The following RTEL1 variants were observed in gnomAD, a reference collection of about 807,000 sequenced individuals.
RTEL1 encodes regulator of telomere length.
In RTEL1, 86 loss-of-function variants were observed where a neutral mutation model predicts 162.2. That is an observed-to-expected ratio of 0.53 (90% CI 0.45 to 0.63). The LOEUF (loss-of-function observed/expected upper bound fraction) is 0.63, where lower values mean the gene tolerates loss of function less well. Ranked by LOEUF, RTEL1 falls within the 30% of genes least tolerant of loss-of-function variation. The probability of loss-of-function intolerance (pLI) is 0.00; values close to 1 mark genes in which losing one functional copy is unlikely to be tolerated. For missense variants in RTEL1, 1,941 were observed against 1,750.2 expected (o/e 1.11, Z -1.95); for synonymous variants, 958 against 717.9 (o/e 1.33, Z -5.35).
intron 4 of RTEL1, 190 bp from the exon 5 acceptor site, chr20:63,662,356 A>T (rs2090036720): frequency 5.2e-6 from 6 of 1,159,560 alleles, no homozygotes; most frequent in Non-Finnish European, 7.5e-6. Context: ...GAAGCTGTCG[A>T]ATCTCCTCCC....
chr20:63,690,468 G>T, intron 26 of RTEL1, 27 bp downstream of exon 26: 1 of 1,530,246 alleles, frequency 6.5e-7, no homozygotes. Flanking sequence ...CTGGGTGGGC[G>T]GTGTGGGGGT....
chr20:63,681,862 C>T (rs769697584), intron 14 of RTEL1: 13 of 985,278 alleles, frequency 1.3e-5, no homozygotes, highest in East Asian at 2.3e-4. Context: ...CCCAAAGGCA[C>T]GGTGGGCATC....
At position 63,685,379 on chromosome 20, in the gene RTEL1, C is replaced by T. The variant is rs973760006; in HGVS notation, c.1192-144C>T. The T allele has an allele frequency of 2.3e-5, 18 of 797,420 alleles. No individual in the cohort carries two copies. The Admixed American group carries it at 4.2e-4, about 19-fold the overall frequency. 49.4% of individuals were successfully genotyped at this position (797,420 alleles called of 1,614,324 possible). The stretch of plus-strand genomic sequence containing the variant: ...GGTCAGGCAGGTGCCAGCTCCTGTC[C>T]ATTGGCCTGGGGCTGCATGATGGCA... On this transcript the variant is annotated intron_variant, in intron 14 of 34. Coordinates refer to ENST00000360203, the MANE Select transcript of RTEL1 (RefSeq NM_001283009.2).
At chr20:63,685,951 C>T (rs956434320) in intron 16 of RTEL1, 79 bp downstream of exon 16, 1 of 1,384,630 alleles carries the variant, frequency 7.2e-7, no homozygotes, top group Non-Finnish European at 1.0e-6. Flanking sequence ...TAGGCACATG[C>T]CCAGCCGTGG....
chr20:63,693,382 T>G, intron 30 of RTEL1, 99 bp downstream of exon 30: 1 of 1,433,588 alleles, frequency 7.0e-7, no homozygotes, highest in Non-Finnish European at 9.6e-7. Context: ...GGGCCCTGCT[T>G]GGCCCCGCCT....
rs1359793806 is a variant in RTEL1 at position 63,696,139 on chromosome 20, G to A, written c.*281G>A. ...TCCTGGCCTGTGAGTGGTGCCACAG[G>A]GGCACCCCAGCTGAGCCCCTCACCG... On this transcript the variant is annotated 3_prime_UTR_variant, in exon 35 of 35. Transcript: ENST00000360203. The A allele has an allele frequency of 2.3e-5, 12 of 512,986 alleles. No homozygotes were observed. In the East Asian group the frequency reaches 2.9e-4, roughly 12 times the overall value. The allele number at this position is 512,986 out of a possible 1,614,324, so 31.8% of individuals were successfully genotyped here.
At position 63,695,127 on chromosome 20, in the gene RTEL1, G is replaced by A. The variant is rs1390155418; in HGVS notation, c.3405G>A (p.Leu1135=). 1.2e-5 allele frequency: 19 copies of A among 1,612,362 alleles called. No individual in the cohort carries two copies. Among genetic ancestry groups the A allele is most frequent in the Non-Finnish European group, 1.5e-5 (18 of 1,179,850 alleles). ...KQRFSQTCTD[L]TGRPYPGMEP... The stretch of plus-strand genomic sequence containing the variant: ...GCTTCTCACAGACGTGCACAGACCT[G>A]ACCGGCCGGCCCTACCCGGGCATGG... The change falls in exon 33 of 35, where the codon CTG becomes CTA. Residue 1135 remains leucine (L), a synonymous_variant. Transcript: ENST00000360203.
chr20:63,678,294 A>T lies in RTEL1; in HGVS notation c.985A>T (p.Ile329Phe). ...KMILLRLEGA[I>F]DAVELPGDDS... ...GATCCTGCTGCGCCTGGAGGGGGCC[A>T]TCGATGCTGTTGAGCTGCCTGGAGA... is the stretch of plus-strand genomic sequence containing the variant. The change falls in exon 12 of 35, where the codon ATC becomes TTC. Residue 329 changes from isoleucine (I) to phenylalanine (F), a missense_variant. Coordinates refer to ENST00000360203, the MANE Select transcript of RTEL1 (RefSeq NM_001283009.2). The T allele has an allele frequency of 6.2e-7, 1 of 1,612,972 alleles. No individual in the cohort carries two copies. Among genetic ancestry groups the T allele is most frequent in the Non-Finnish European group, 8.5e-7 (1 of 1,179,520 alleles).
chr20:63,688,926 C>T (rs1253575841), intron 21 of RTEL1, 129 bp from the exon 22 acceptor site: 4 of 843,314 alleles, frequency 4.7e-6, no homozygotes, highest in Non-Finnish European at 7.7e-6. Context: ...GAAGAAGCTT[C>T]CAGAACCCGA....
At chr20:63,662,977 C>G in intron 6 of RTEL1, 88 bp downstream of exon 6, 2 of 1,356,908 alleles carry the variant, frequency 1.5e-6, no homozygotes, top group Admixed American at 3.4e-5. Flanking sequence ...CCTGGTTGTG[C>G]TTGCCCGGTG....
rs183375482 is a variant in RTEL1, at chr20:63,667,040, C to T, written c.615-429C>T. ...ATTTTTAGTAGAGACGGGGTTTCAC[C>T]GTGTTAGCCAGGATGGTCTCGATCT... On this transcript the variant is annotated intron_variant, in intron 7 of 34. Transcript: ENST00000360203. Among the ~76,000 whole-genome samples the T allele has an allele frequency of 9.2e-3, 1,388 of 150,652 alleles. 8 individuals are homozygous for T. The highest frequency in any genetic ancestry group is 0.015 in the Non-Finnish European group (987 of 67,678).
chr20:63,691,190 C>A (rs2090732686), intron 27 of RTEL1, among the ~76,000 whole-genome samples: 1 of 152,196 alleles, frequency 6.6e-6, no homozygotes, highest in Non-Finnish European at 1.5e-5. Context: ...GTGCCCCCCA[C>A]ATCACTTTGG....
At chr20:63,678,620 A>G (rs1371142699) in intron 12 of RTEL1, among the ~76,000 whole-genome samples, 1 of 112,992 alleles carries the variant, frequency 8.9e-6, no homozygotes, top group Admixed American at 1.0e-4. Context: ...CAGCACACAC[A>G]CTCCCACGAA....
intron 10 of RTEL1, among the ~76,000 whole-genome samples, chr20:63,676,998 T>A (rs181330518): frequency 6.0e-4 from 91 of 152,366 alleles, no homozygotes; most frequent in Non-Finnish European, 1.1e-3. Context: ...GGATTGGTCC[T>A]GCCCCATGCT....
intron 19 of RTEL1, 29 bp from the exon 20 acceptor site, chr20:63,688,271 CT>C: frequency 6.2e-7 from 1 of 1,610,372 alleles, no homozygotes; most frequent in South Asian, 1.1e-5. Flanking sequence ...CATCCTGCCC[CT>C]GCCTTGACCC....
At chr20:63,693,456 T>C (rs77223947) in intron 30 of RTEL1, among the ~76,000 whole-genome samples, 173 bp downstream of exon 30, 4 of 21,070 alleles carry the variant, frequency 1.9e-4, no homozygotes, top group African/African-American at 2.7e-4. Flanking sequence ...CAGCACCACC[T>C]CCACCTCCAC....
chr20:63,662,792 C>G, intron 5 of RTEL1, 37 bp from the exon 6 acceptor site: 2 of 1,612,302 alleles, frequency 1.2e-6, no homozygotes, highest in Middle Eastern at 3.3e-4. Flanking sequence ...CTTTCTTGGC[C>G]GTGCTTCAGC....
intron 13 of RTEL1, 82 bp from the exon 14 acceptor site, chr20:63,680,582 G>T (rs747829649): frequency 1.4e-6 from 2 of 1,461,780 alleles, no homozygotes; most frequent in Non-Finnish European, 1.9e-6. Flanking sequence ...CGGGCTGAGC[G>T]GGCTCATGCT....
rs1484669276 is a variant in RTEL1, at chr20:63,694,494, T to C, written c.3109+6T>C. On this transcript the variant is annotated splice_donor_region_variant and intron_variant, in intron 31 of 34. Transcript: ENST00000360203. Reference sequence around the variant, plus strand: ...GCCCAGGCCACCCCCAACAGGTAGCTGACTCCTGAACCGTGTGCAGCCTAC... The same window carrying C: ...GCCCAGGCCACCCCCAACAGGTAGCCGACTCCTGAACCGTGTGCAGCCTAC... 6.3e-7 allele frequency: 1 copy of C among 1,588,336 alleles called. No homozygotes were observed. The highest frequency in any genetic ancestry group is 8.6e-7 in the Non-Finnish European group (1 of 1,160,018).
Sources: allele counts gnomAD v4.1 joint callset (sites outside exome capture counted in the v4.1 genomes callset), GRCh38; gene constraint gnomAD v4.1.1; transcripts MANE v1.5; gene names NCBI Gene and HGNC (gene_info 2026-07-23, HGNC 2026-07-21).